EYA2: variants seen among roughly 807,000 people sequenced by gnomAD.
The protein encoded by EYA2 is protein phosphatase EYA2.
Under a neutral mutation model 69.2 loss-of-function variants are expected in EYA2, and 31 were observed. That is an observed-to-expected ratio of 0.45 (90% CI 0.34 to 0.60). EYA2 has a LOEUF of 0.60. Ranked by LOEUF, EYA2 falls within the 20% of genes least tolerant of loss-of-function variation. The pLI is 0.02. For synonymous variants in EYA2, 257 were observed against 279.4 expected (o/e 0.92, Z 0.80); for missense variants, 622 against 701.2 (o/e 0.89, Z 1.28).
intron 5 of EYA2, among the ~76,000 whole-genome samples, chr20:47,057,514 C>CG: frequency 6.7e-6 from 1 of 149,904 alleles, no homozygotes; most frequent in South Asian, 2.1e-4. Context: ...TATATCACCC[C>CG]CCCCCCCCAT....
intron 7 of EYA2, among the ~76,000 whole-genome samples, chr20:47,075,479 A>C (rs1023742856): frequency 6.6e-6 from 1 of 152,040 alleles, no homozygotes; most frequent in Non-Finnish European, 1.5e-5. Flanking sequence ...GGCCCCCATA[A>C]CCAGCACTCC....
rs142155804 is a variant in EYA2, at chr20:47,065,032, G to A, written c.416-7153G>A. ...GGAGCAAAGTCACGTCTTACATGGT[G>A]GCAGGCAAGAGAACATGTGCAGGGG... On this transcript the variant is annotated intron_variant, in intron 5 of 15. Coordinates refer to ENST00000327619, the MANE Select transcript of EYA2 (RefSeq NM_005244.5). Among the ~76,000 whole-genome samples the A allele has an allele frequency of 1.2e-3, 183 of 152,300 alleles. 1 individual carries two copies. The East Asian group carries it at 0.021, about 17-fold the overall frequency.
intron 9 of EYA2, among the ~76,000 whole-genome samples, chr20:47,112,343 G>C (rs187296651): frequency 7.7e-4 from 117 of 152,274 alleles, no homozygotes; most frequent in African/African-American, 2.6e-3. Context: ...ATGAATGAAG[G>C]AAAGAGTTGA....
chr20:47,103,061 CTCCAGGACCTGTTGTTGTTGTTGTTGTTA>C (rs1315809288), intron 9 of EYA2, among the ~76,000 whole-genome samples: 78 of 152,348 alleles, frequency 5.1e-4, no homozygotes, highest in African/African-American at 1.8e-3. Context: ...TGAAGCTCAA[CTCCAGGACCTGTTGTTGTTGTTGTTGTTA>C]ATAACAATTT....
At chr20:47,071,894 A>G in intron 5 of EYA2, 1 of 405,846 alleles carries the variant, frequency 2.5e-6, no homozygotes, top group Non-Finnish European at 4.6e-6. Flanking sequence ...AGATCCAGAG[A>G]CTTAGGGGTC....
At chr20:46,954,990 G>A (rs1011009041) in intron 1 of EYA2, among the ~76,000 whole-genome samples, 4 of 152,120 alleles carry the variant, frequency 2.6e-5, no homozygotes, top group Admixed American at 6.5e-5. Flanking sequence ...AATGGATGTC[G>A]GCACGTCCTG....
chr20:47,009,032 C>G (rs1982898606), intron 4 of EYA2, among the ~76,000 whole-genome samples: 1 of 152,194 alleles, frequency 6.6e-6, no homozygotes, highest in African/African-American at 2.4e-5. Context: ...TGTCTGTGTT[C>G]CAATAAAACT....
In EYA2 at chr20:47,037,166, A is replaced by G. The variant is rs568413529; in HGVS notation, c.415+20869A>G. Among the ~76,000 whole-genome samples, 7 of 152,284 alleles carry G rather than the reference A, an allele frequency of 4.6e-5. No individual in the cohort carries two copies. The South Asian group carries it at 6.2e-4, about 14-fold the overall frequency. ...CAGATCTCATGAGAACTCGCTCACT[A>G]TCATGAGAACAGTATGGGGGAAACC... On this transcript the variant is annotated intron_variant, in intron 5 of 15. Coordinates refer to ENST00000327619, the MANE Select transcript of EYA2 (RefSeq NM_005244.5).
At chr20:47,126,930 G>GA (rs1392722100) in intron 9 of EYA2, among the ~76,000 whole-genome samples, 6 of 152,112 alleles carry the variant, frequency 3.9e-5, no homozygotes, top group African/African-American at 1.4e-4. Context: ...TGCCAAAGCG[G>GA]AAAAACCCTG....
At chr20:47,133,499 C>T (rs1486359456) in intron 9 of EYA2, among the ~76,000 whole-genome samples, 1 of 152,138 alleles carries the variant, frequency 6.6e-6, no homozygotes, top group Non-Finnish European at 1.5e-5. Context: ...CTTTGCTAAC[C>T]GGTTGTTTTT....
intron 10 of EYA2, among the ~76,000 whole-genome samples, chr20:47,149,235 C>T (rs530856604): frequency 6.6e-5 from 10 of 152,010 alleles, no homozygotes; most frequent in Admixed American, 3.3e-4. Context: ...ACATTTAGTT[C>T]GGGCATGAAA....
At chr20:46,978,439 A>C (rs535801967) in intron 1 of EYA2, 2 of 398,992 alleles carry the variant, frequency 5.0e-6, no homozygotes, top group South Asian at 3.8e-5. Flanking sequence ...CAGGGTGAGC[A>C]GGAGGGACTG....
intron 1 of EYA2, among the ~76,000 whole-genome samples, chr20:46,912,732 C>T (rs1321388902): frequency 6.2e-5 from 9 of 145,390 alleles, no homozygotes; most frequent in African/African-American, 1.0e-4. Flanking sequence ...CTCGCTCTGT[C>T]GCCCAGGCCG....
Position 47,004,935 on chromosome 20 carries a change from C to T in EYA2, c.156-7C>T. 2 of 1,613,984 alleles carry T rather than the reference C, an allele frequency of 1.2e-6. No individual in the cohort carries two copies. The highest frequency in any genetic ancestry group is 1.7e-6 in the Non-Finnish European group (2 of 1,179,936). ...CTGGAGATTTAATCTTCCCTCTTTCCACACAGATCTTGCCCACGTGTCCTC... is the reference window on the plus strand; with the variant it reads ...CTGGAGATTTAATCTTCCCTCTTTCTACACAGATCTTGCCCACGTGTCCTC... On this transcript the variant is annotated splice_polypyrimidine_tract_variant and splice_region_variant and intron_variant, in intron 3 of 15. Transcript: ENST00000327619.
At chr20:47,071,934 A>C in intron 5 of EYA2, 1 of 518,908 alleles carries the variant, frequency 1.9e-6, no homozygotes, top group Middle Eastern at 5.3e-4. Flanking sequence ...CCGCATCAGC[A>C]AGCACTTGGA....
At chr20:46,974,663 C>T (rs1009392808) in intron 1 of EYA2, among the ~76,000 whole-genome samples, 1 of 152,130 alleles carries the variant, frequency 6.6e-6, no homozygotes, top group African/African-American at 2.4e-5. Flanking sequence ...AAGGACTCTT[C>T]CCTTACAGGA....
chr20:47,038,942 A>G (rs1441840534), intron 5 of EYA2, among the ~76,000 whole-genome samples: 3 of 152,218 alleles, frequency 2.0e-5, no homozygotes, highest in East Asian at 3.8e-4. Context: ...GATCTTTTTC[A>G]CAGCTACTGG....
At chr20:47,007,884 T>C (rs1982817796) in intron 4 of EYA2, among the ~76,000 whole-genome samples, 1 of 152,068 alleles carries the variant, frequency 6.6e-6, no homozygotes, top group Non-Finnish European at 1.5e-5. Flanking sequence ...TATCTCTGCT[T>C]CCCAAAGTGC....
intron 1 of EYA2, among the ~76,000 whole-genome samples, chr20:46,952,463 C>T (rs986919665): frequency 2.6e-5 from 4 of 152,166 alleles, no homozygotes; most frequent in African/African-American, 9.7e-5. Context: ...TAGCTTTGGC[C>T]GTTTGTTCAT....
Sources: allele counts gnomAD v4.1 joint callset (sites outside exome capture counted in the v4.1 genomes callset), GRCh38; gene constraint gnomAD v4.1.1; transcripts MANE v1.5; gene names NCBI Gene and HGNC (gene_info 2026-07-23, HGNC 2026-07-21).